ATF6B: variants seen among roughly 807,000 people sequenced by gnomAD.
ATF6B encodes cyclic AMP-dependent transcription factor ATF-6 beta.
ATF6B carries 50 observed loss-of-function variants against 83.5 expected under a neutral mutation model. That is an observed-to-expected ratio of 0.60 (90% confidence interval 0.48 to 0.76). The LOEUF is 0.76. Among genes scored for constraint, ATF6B ranks in the 30% least tolerant of loss-of-function variants. ATF6B has a pLI of 0.00. For synonymous variants in ATF6B, 344 were observed against 362.8 expected (o/e 0.95, Z 0.59); for missense variants, 790 against 893.8 (o/e 0.88, Z 1.48).
chr6:32,118,093 T>C lies in ATF6B; in HGVS notation c.1245-55A>G. 1.2e-6 allele frequency: 2 copies of C among 1,603,794 alleles called. No individual in the cohort carries two copies. The highest frequency in any genetic ancestry group is 8.5e-7 in the Non-Finnish European group (1 of 1,172,084). On this transcript the variant is annotated intron_variant, in intron 11 of 17. Transcript: ENST00000375203. The surrounding 1 kb of genome is among the most constrained non-coding windows in gnomAD (Gnocchi z 5.2). ...AAGAATTTCAGCTGTATCAAGTATC[T>C]AGGTAAGAATAAAGACTCTGCAGAT...
chr6:32,127,805 G>A, intron 1 of ATF6B, 55 bp from the exon 2 acceptor site: 5 of 1,566,558 alleles, frequency 3.2e-6, no homozygotes, highest in Non-Finnish European at 4.4e-6. Context: ...CCTACAGATC[G>A]CACACAAGCC....
At position 32,116,931 on chromosome 6, in the gene ATF6B, A is replaced by G. The variant is rs1781552966; in HGVS notation, c.1685+106T>C. The G allele has an allele frequency of 6.6e-7, 1 of 1,522,206 alleles. No homozygotes were observed. Among genetic ancestry groups the G allele is most frequent in the Non-Finnish European group, 9.1e-7 (1 of 1,099,126 alleles). 94.3% of individuals were successfully genotyped at this position (1,522,206 alleles called of 1,614,324 possible). On this transcript the variant is annotated intron_variant, in intron 15 of 17. Coordinates refer to ENST00000375203, the MANE Select transcript of ATF6B (RefSeq NM_004381.5). This position sits in a 1 kb window ranked among gnomAD's most constrained non-coding sequence, Gnocchi z 5.1. ...GAGACCCCCAGTGGAGGAGGGAGGT[A>G]TAATCCCACTGGTGACAGTAATGAC...
chr6:32,128,211 T>TGGCCCCCCCCCCCCCCCCCCC lies in ATF6B; in HGVS notation c.-5_-4insGGGGGGGGGGGGGGGGGGGCC. 6.5e-7 allele frequency: 1 copy of TGGCCCCCCCCCCCCCCCCCCC among 1,536,878 alleles called. No individual in the cohort carries two copies. The highest frequency in any genetic ancestry group is 1.5e-5 in the African/African-American group (1 of 67,128). ...TGAGCAGCATCAGCTCCGCCATCTT[T>TGGCCCCCCCCCCCCCCCCCCC]CCCCCCCACCCCCCAACCAGGAGAC... is the stretch of plus-strand genomic sequence containing the variant. On this transcript the variant is annotated 5_prime_UTR_variant, in exon 1 of 18. Coordinates refer to ENST00000375203, the MANE Select transcript of ATF6B (RefSeq NM_004381.5).
At position 32,118,063 on chromosome 6, in the gene ATF6B, C is replaced by CAATGAAGAA; in HGVS notation, c.1245-34_1245-26dup. On this transcript the variant is annotated intron_variant, in intron 11 of 17. Transcript: ENST00000375203. The surrounding 1 kb of genome is among the most constrained non-coding windows in gnomAD (Gnocchi z 5.2). ...GCTGTGGATAAAGAAGGACTGAGCA[C>CAATGAAGAA]AATGAAGAATTTCAGCTGTATCAAG... 6.2e-7 allele frequency: 1 copy of CAATGAAGAA among 1,613,826 alleles called. No individual in the cohort carries two copies. The highest frequency in any genetic ancestry group is 1.1e-5 in the South Asian group (1 of 91,080).
rs959208428 is a variant in ATF6B at position 32,117,570 on chromosome 6, A to C, written c.1532+17T>G. Reference sequence around the variant, plus strand: ...GGAGGCCGGGGGAGCTGGATGCCCCAGCAATGAATCCCACACCTCAGGGAC... The same window carrying C: ...GGAGGCCGGGGGAGCTGGATGCCCCCGCAATGAATCCCACACCTCAGGGAC... On this transcript the variant is annotated intron_variant, in intron 13 of 17. Transcript: ENST00000375203. This position sits in a 1 kb window ranked among gnomAD's most constrained non-coding sequence, Gnocchi z 5.0. The C allele has an allele frequency of 7.4e-6, 12 of 1,612,098 alleles. No individual in the cohort carries two copies. The highest frequency in any genetic ancestry group is 1.0e-5 in the Non-Finnish European group (12 of 1,178,536).
rs767745349 is a variant in ATF6B, at chr6:32,120,871, C to T, written c.732G>A (p.Leu244=). 1.3e-6 allele frequency: 2 copies of T among 1,553,814 alleles called. No homozygotes were observed. The highest frequency in any genetic ancestry group is 2.8e-5 in the African/African-American group (2 of 72,556). Residue 244 remains leucine (L), a synonymous_variant, in exon 8 of 18, where the codon CTG becomes CTA. Coordinates refer to ENST00000375203, the MANE Select transcript of ATF6B (RefSeq NM_004381.5). The part of the protein sequence containing the change: ...GKALPTRKPP[L]QPKPVVLTTV... ...TGGTTAGCACTACAGGTTTGGGCTG[C>T]AGTGGCGGCTTCCGGGTGGGCAGGG...
chr6:32,127,091 T>C lies in ATF6B; in HGVS notation c.342+12A>G, dbSNP rs754176266. On this transcript the variant is annotated intron_variant, in intron 4 of 17. Coordinates refer to ENST00000375203, the MANE Select transcript of ATF6B (RefSeq NM_004381.5). ...CCCGTCACAGAGAGTAAGAGGGATA[T>C]GGCTCTCTCACCTCGCTGGATGGCT... The C allele has an allele frequency of 2.1e-5, 33 of 1,573,476 alleles. No individual in the cohort carries two copies. The South Asian group carries it at 3.3e-4, about 16-fold the overall frequency.
chr6:32,115,738 G>A lies in ATF6B; in HGVS notation c.*1C>T. 1 of 1,593,586 alleles carries A rather than the reference G, an allele frequency of 6.3e-7. No homozygotes were observed. The highest frequency in any genetic ancestry group is 8.6e-7 in the Non-Finnish European group (1 of 1,169,438). On this transcript the variant is annotated 3_prime_UTR_variant, in exon 18 of 18. Transcript: ENST00000375203. ...TTCTAAGTCAGTGTGAATGGCAGAG[G>A]TCAGGGATGATTGAGGTAGAGGGGC...
rs762285366 is a variant in ATF6B at position 32,116,455 on chromosome 6, C to G, written c.1882+25G>C. The G allele has an allele frequency of 6.2e-7, 1 of 1,603,146 alleles. No individual in the cohort carries two copies. The highest frequency in any genetic ancestry group is 1.1e-5 in the South Asian group (1 of 90,194). On this transcript the variant is annotated intron_variant, in intron 17 of 17. Transcript: ENST00000375203. The surrounding 1 kb of genome is among the most constrained non-coding windows in gnomAD (Gnocchi z 5.1). ...CTGGATCTCCCTGTTGGAACTGCCC[C>G]CATACCCAGCAGGGAAAGAGTTACC...
rs1781754859 is a variant in ATF6B at position 32,121,250 on chromosome 6, A to G, written c.564+13T>C. ...CTGGAAAACCTGGAGGAAGGAAGGA[A>G]GGTGGTGCTCACCTGGCTGGAGGAG... is the stretch of plus-strand genomic sequence containing the variant. On this transcript the variant is annotated intron_variant, in intron 6 of 17. Coordinates refer to ENST00000375203, the MANE Select transcript of ATF6B (RefSeq NM_004381.5). 6.2e-7 allele frequency: 1 copy of G among 1,613,584 alleles called. No individual in the cohort carries two copies. Among genetic ancestry groups the G allele is most frequent in the Admixed American group, 1.7e-5 (1 of 59,958 alleles).
chr6:32,127,577 G>A (rs1036013966), intron 2 of ATF6B, 57 bp from the exon 3 acceptor site: 13 of 1,608,412 alleles, frequency 8.1e-6, no homozygotes, highest in South Asian at 6.6e-5. Context: ...GAAAGTAGGG[G>A]TGACTCCAGA....
chr6:32,120,908 G>A lies in ATF6B; in HGVS notation c.701-6C>T. 6.5e-7 allele frequency: 1 copy of A among 1,530,326 alleles called. No homozygotes were observed. Among genetic ancestry groups the A allele is most frequent in the African/African-American group, 1.4e-5 (1 of 72,114 alleles). The allele number at this position is 1,530,326 out of a possible 1,614,324, so 94.8% of individuals were successfully genotyped here. On this transcript the variant is annotated splice_region_variant and splice_polypyrimidine_tract_variant and intron_variant, in intron 7 of 17. Coordinates refer to ENST00000375203, the MANE Select transcript of ATF6B (RefSeq NM_004381.5). ...CCGGGTGGGCAGGGCTTTGCCTGAA[G>A]GAAGGTGAGAGAAAAGAACAAGAAA...
chr6:32,128,096 C>T, intron 1 of ATF6B, 21 bp downstream of exon 1: 1 of 1,612,356 alleles, frequency 6.2e-7, no homozygotes, highest in East Asian at 2.2e-5. Flanking sequence ...CCACAGCCCT[C>T]TCCCCTCCCC....
rs757647892 is a variant in ATF6B at position 32,120,796 on chromosome 6, CAGA to C, written c.804_806del (p.Leu269del). ...CTGGGGGTGGCTGGACGAGGGACTG[CAGA>C]AGGACTGTGGTGCTGGGAGGCACAG... On this transcript the variant is annotated inframe_deletion, in exon 8 of 18. Transcript: ENST00000375203. 2.8e-5 allele frequency: 45 copies of C among 1,610,462 alleles called. No individual in the cohort carries two copies. Among genetic ancestry groups the C allele is most frequent in the Middle Eastern group, 3.3e-4 (2 of 6,068 alleles).
chr6:32,125,908 C>G lies in ATF6B; in HGVS notation c.478+209G>C. ...CAAGAAAAAGAGAGAAAAATAATAT[C>G]CATCTCCTCAGCACTGCCCTTGCTG... On this transcript the variant is annotated intron_variant, in intron 5 of 17. Coordinates refer to ENST00000375203, the MANE Select transcript of ATF6B (RefSeq NM_004381.5). The surrounding 1 kb of genome is among the most constrained non-coding windows in gnomAD (Gnocchi z 4.1). 1 of 556,986 alleles carries G rather than the reference C, an allele frequency of 1.8e-6. No homozygotes were observed. Among genetic ancestry groups the G allele is most frequent in the Non-Finnish European group, 3.0e-6 (1 of 332,840 alleles). The allele number at this position is 556,986 out of a possible 1,614,324, so 34.5% of individuals were successfully genotyped here.
chr6:32,126,769 A>C (rs1684697417), intron 4 of ATF6B, among the ~76,000 whole-genome samples: 1 of 152,124 alleles, frequency 6.6e-6, no homozygotes, highest in Non-Finnish European at 1.5e-5. Flanking sequence ...CTGAGGCAGG[A>C]GGATCACCTG....
At position 32,126,139 on chromosome 6, in the gene ATF6B, G is replaced by A. The variant is rs1333036530; in HGVS notation, c.456C>T (p.Ile152=). The change falls in exon 5 of 18, where the codon ATC becomes ATT. Residue 152 remains isoleucine (I), a synonymous_variant. Coordinates refer to ENST00000375203, the MANE Select transcript of ATF6B (RefSeq NM_004381.5). Reference sequence around the variant, plus strand: ...TACCTGAGGAATCATCAGAGGTGGGGATAACGTTGATCTGGACGGTTTCAA... The same window carrying A: ...TACCTGAGGAATCATCAGAGGTGGGAATAACGTTGATCTGGACGGTTTCAA... ...SSFETVQINV[I]PTSDDSSDVQ... is the part of the protein sequence containing the mutation. 6.2e-7 allele frequency: 1 copy of A among 1,614,076 alleles called. No individual in the cohort carries two copies. The highest frequency in any genetic ancestry group is 1.3e-5 in the African/African-American group (1 of 74,918).
chr6:32,120,148 A>G, intron 8 of ATF6B, 191 bp from the exon 9 acceptor site: 1 of 596,764 alleles, frequency 1.7e-6, no homozygotes, highest in Non-Finnish European at 2.6e-6. Context: ...ACCAGGCTGG[A>G]GTGCAGTGGT....
In ATF6B at chr6:32,127,119, G is replaced by C. The variant is rs777378153; in HGVS notation, c.326C>G (p.Thr109Arg). The C allele has an allele frequency of 1.2e-6, 2 of 1,607,170 alleles. No homozygotes were observed. The highest frequency in any genetic ancestry group is 3.4e-5 in the Admixed American group (2 of 58,922). Residue 109 changes from threonine to arginine, a missense_variant, in exon 4 of 18, where the codon ACA (threonine) becomes AGA (arginine). Thr to Arg is a moderately conservative substitution (Grantham distance 71). Around this residue, in one of 3 missense-constraint regions of ATF6B, gnomAD observed 253 missense variants for 243.1 expected, o/e 1.04. Transcript: ENST00000375203. ...SLSSESSRLS[T>R]EPSSEALGVG... ...CTCTCTCACCTCGCTGGATGGCTCT[G>C]TGGAGAGACGCGATGACTCGGAGCT...
Sources: allele counts gnomAD v4.1 joint callset (sites outside exome capture counted in the v4.1 genomes callset), GRCh38; gene constraint gnomAD v4.1.1; regional missense constraint gnomAD v4.1.1; non-coding constraint Gnocchi (gnomAD v3.1); transcripts MANE v1.5; gene names NCBI Gene and HGNC (gene_info 2026-07-23, HGNC 2026-07-21).